The following PRKAR1B variants were observed in gnomAD, a reference collection of about 807,000 sequenced individuals.
The protein encoded by PRKAR1B is cAMP-dependent protein kinase type I-beta regulatory subunit.
Under a neutral mutation model 46.5 loss-of-function variants are expected in PRKAR1B, and 22 were observed. The ratio of observed to expected loss-of-function variants is 0.47; its 90% CI spans 0.34 to 0.68. PRKAR1B has a LOEUF of 0.68. Ranked by LOEUF, PRKAR1B falls within the 30% of genes least tolerant of loss-of-function variation. The pLI, the probability that PRKAR1B is intolerant of heterozygous loss-of-function variation, is 0.01. For missense variants in PRKAR1B, 445 were observed against 535.6 expected, an observed-to-expected ratio of 0.83 and a Z score of 1.67; for synonymous variants, 259 against 217.7, an observed-to-expected ratio of 1.19 and a Z score of -1.67.
chr7:633,070 T>C (rs750805173), intron 4 of PRKAR1B, among the ~76,000 whole-genome samples: 13 of 152,234 alleles, frequency 8.5e-5, no homozygotes, highest in Non-Finnish European at 1.8e-4. Flanking sequence ...TGTGAATTCA[T>C]TCTCTGCTCC....
At chr7:680,207 T>C (rs962727647) in intron 3 of PRKAR1B, among the ~76,000 whole-genome samples, 1 of 147,556 alleles carries the variant, frequency 6.8e-6, no homozygotes, top group Non-Finnish European at 1.5e-5. Flanking sequence ...TGCAGGAGCA[T>C]GGGAGGCACA....
At chr7:728,683 G>T (rs767980291), upstream of PRKAR1B, among the ~76,000 whole-genome samples, 2 of 152,172 alleles carry the variant, frequency 1.3e-5, no homozygotes, top group Non-Finnish European at 2.9e-5. Context: ...TGGACCGTAG[G>T]TTCCACAGGA....
chr7:692,352 A>G (rs2128516828), intron 2 of PRKAR1B, among the ~76,000 whole-genome samples: 1 of 152,322 alleles, frequency 6.6e-6, no homozygotes. Flanking sequence ...GTGAGCTGAG[A>G]TCGCGCCATG....
At chr7:694,404 C>T (rs779057734) in intron 2 of PRKAR1B, among the ~76,000 whole-genome samples, 6 of 151,852 alleles carry the variant, frequency 4.0e-5, no homozygotes, top group South Asian at 2.1e-4. Flanking sequence ...CATCAGGTCT[C>T]GTCTGGACGC....
chr7:652,821 T>A (rs1424446271), intron 4 of PRKAR1B, among the ~76,000 whole-genome samples: 1 of 152,226 alleles, frequency 6.6e-6, no homozygotes, highest in Admixed American at 6.5e-5. Flanking sequence ...TATTGTTACA[T>A]AACAAACCAC....
chr7:570,540 C>A (rs1169830820), intron 9 of PRKAR1B, among the ~76,000 whole-genome samples: 3 of 152,106 alleles, frequency 2.0e-5, no homozygotes, highest in African/African-American at 7.2e-5. Flanking sequence ...GCCCAGCAGT[C>A]CCCGAGCCCT....
intron 9 of PRKAR1B, among the ~76,000 whole-genome samples, chr7:555,903 C>T (rs1010693565): frequency 4.6e-5 from 7 of 152,182 alleles, no homozygotes; most frequent in African/African-American, 7.2e-5. Context: ...ACCCAGGCAG[C>T]GTGGGCTTGC....
intron 4 of PRKAR1B, among the ~76,000 whole-genome samples, chr7:626,250 T>G (rs892045428): frequency 1.3e-5 from 2 of 152,148 alleles, no homozygotes; most frequent in African/African-American, 4.8e-5. Flanking sequence ...CCAGCACTTT[T>G]AGAGGCTGAG....
At chr7:553,583 G>A (rs770652230) in intron 9 of PRKAR1B, among the ~76,000 whole-genome samples, 5 of 152,188 alleles carry the variant, frequency 3.3e-5, no homozygotes, top group African/African-American at 1.2e-4. Flanking sequence ...CAGCCGGCCT[G>A]GCAGACGGCG....
chr7:719,401 G>C (rs1222016751), intron 1 of PRKAR1B, among the ~76,000 whole-genome samples: 1 of 151,884 alleles, frequency 6.6e-6, no homozygotes, highest in East Asian at 1.9e-4. Context: ...CTGGTCTCAA[G>C]CTCTTGGGCT....
At chr7:705,206 C>G (rs1044263842) in intron 2 of PRKAR1B, among the ~76,000 whole-genome samples, 2 of 151,094 alleles carry the variant, frequency 1.3e-5, no homozygotes, top group African/African-American at 2.4e-5. Flanking sequence ...GCAGGAAAAT[C>G]GCTTGAAAAT....
chr7:726,874 G>T, intron 1 of PRKAR1B: 1 of 1,326,616 alleles, frequency 7.5e-7, no homozygotes. Flanking sequence ...CGCCTTGGAG[G>T]CCCTGCGGCG....
At chr7:553,534 G>T (rs567352117) in intron 9 of PRKAR1B, among the ~76,000 whole-genome samples, 78 of 152,354 alleles carry the variant, frequency 5.1e-4, no homozygotes, top group African/African-American at 1.7e-3. Flanking sequence ...TCCGGAGACG[G>T]CACCATCCGG....
intron 7 of PRKAR1B, among the ~76,000 whole-genome samples, chr7:588,929 A>G (rs62431445): frequency 0.63 from 1,434 of 2,280 alleles, 655 homozygotes; most frequent in Non-Finnish European, 0.7. Context: ...TGGTGGGGAT[A>G]GAGATGGTGG....
At chr7:567,606 A>G (rs1204564383) in intron 9 of PRKAR1B, among the ~76,000 whole-genome samples, 3 of 152,182 alleles carry the variant, frequency 2.0e-5, no homozygotes, top group Admixed American at 2.0e-4. Flanking sequence ...TGGTGGCAGC[A>G]GCAGCAGTAG....
chr7:583,466 TGCACTCACACCCACG>T, intron 8 of PRKAR1B, among the ~76,000 whole-genome samples: 1 of 128,190 alleles, frequency 7.8e-6, no homozygotes, highest in Non-Finnish European at 1.6e-5. Context: ...CTCACACACG[TGCACTCACACCCACG>T]CACACACGTG....
At chr7:574,917 C>T (rs938770238) in intron 9 of PRKAR1B, among the ~76,000 whole-genome samples, 3 of 152,258 alleles carry the variant, frequency 2.0e-5, no homozygotes, top group Non-Finnish European at 4.4e-5. Flanking sequence ...AAGATATCTG[C>T]CTTTCCACCT....
chr7:692,745 C>G (rs961318690), intron 2 of PRKAR1B, among the ~76,000 whole-genome samples: 1 of 152,102 alleles, frequency 6.6e-6, no homozygotes, highest in Non-Finnish European at 1.5e-5. Flanking sequence ...GTTGGGGAGG[C>G]AGGAACACAG....
chr7:670,263 C>T (rs368650447), intron 4 of PRKAR1B, among the ~76,000 whole-genome samples: 1 of 152,138 alleles, frequency 6.6e-6, no homozygotes, highest in Admixed American at 6.6e-5. Context: ...CATGAAACCC[C>T]ACTTCATATT....
Sources: allele counts gnomAD v4.1 joint callset (sites outside exome capture counted in the v4.1 genomes callset), GRCh38; gene constraint gnomAD v4.1.1; transcripts MANE v1.5; gene names NCBI Gene and HGNC (gene_info 2026-07-23, HGNC 2026-07-21).